USP24: variants seen among roughly 807,000 people sequenced by gnomAD.
USP24 encodes the protein ubiquitin specific peptidase 24.
A neutral mutation model predicts 361.6 loss-of-function variants in USP24; 97 were observed. The observed-to-expected ratio is 0.27, with a 90% CI of 0.23 to 0.32. The LOEUF (loss-of-function observed/expected upper bound fraction) is 0.32, where lower values mean the gene tolerates loss of function less well. Among genes scored for constraint, USP24 ranks in the 10% least tolerant of loss-of-function variants. The pLI is 1.00. For synonymous variants in USP24, 1,098 were observed against 1,124.6 expected (o/e 0.98, Z 0.47); for missense variants, 2,353 against 3,165.6 (o/e 0.74, Z 6.16).
intron 26 of USP24, among the ~76,000 whole-genome samples, 192 bp from the exon 27 acceptor site, chr1:55,138,096 C>G (rs1188072133): frequency 6.6e-6 from 1 of 152,128 alleles, no homozygotes; most frequent in Non-Finnish European, 1.5e-5. Flanking sequence ...TACACTCCAC[C>G]TCCTCCCCAT....
chr1:55,156,406 A>G (rs776418621), intron 12 of USP24, among the ~76,000 whole-genome samples: 17 of 152,168 alleles, frequency 1.1e-4, no homozygotes, highest in Non-Finnish European at 2.5e-4. Context: ...AAGTCAAAGT[A>G]GAAGAGAATA....
intron 55 of USP24, among the ~76,000 whole-genome samples, chr1:55,087,249 T>C (rs551132171): frequency 2.0e-5 from 3 of 152,318 alleles, no homozygotes; most frequent in Admixed American, 6.5e-5. Flanking sequence ...TGATGAGTGA[T>C]TGGTCTTTAT....
intron 19 of USP24, among the ~76,000 whole-genome samples, chr1:55,146,641 A>C (rs1361884818): frequency 6.6e-6 from 1 of 152,188 alleles, no homozygotes; most frequent in East Asian, 1.9e-4. Context: ...ACTTAAAATT[A>C]GTTTCATATG....
At chr1:55,198,491 C>A (rs1459262901) in intron 1 of USP24, among the ~76,000 whole-genome samples, 2 of 152,214 alleles carry the variant, frequency 1.3e-5, no homozygotes, top group Non-Finnish European at 2.9e-5. Context: ...GACAGGGTTT[C>A]TTAACCTTGT....
Position 55,098,576 on chromosome 1 carries a change from TAC to T in USP24, c.5371-20_5371-19del, listed in dbSNP as rs1645550214. The stretch of plus-strand genomic sequence containing the variant: ...CCCATTTTCTGTTGGAATGAAAAGT[TAC>T]AGTTTTAAGTGATGCCTCCTGAACT... On this transcript the variant is annotated intron_variant, in intron 45 of 67. Transcript: ENST00000294383. The T allele has an allele frequency of 6.3e-7, 1 of 1,586,022 alleles. No individual in the cohort carries two copies. Among genetic ancestry groups the T allele is most frequent in the Non-Finnish European group, 8.6e-7 (1 of 1,157,434 alleles).
chr1:55,213,605 G>C (rs1048424105), intron 1 of USP24, among the ~76,000 whole-genome samples: 3 of 152,152 alleles, frequency 2.0e-5, no homozygotes, highest in Non-Finnish European at 2.9e-5. Flanking sequence ...TTTGAGATCT[G>C]TGCTTTTCTG....
chr1:55,169,082 G>C (rs980068944), intron 5 of USP24, among the ~76,000 whole-genome samples: 1 of 151,940 alleles, frequency 6.6e-6, no homozygotes, highest in African/African-American at 2.4e-5. Flanking sequence ...ACAAATTAGG[G>C]CTTGAAAATA....
intron 28 of USP24, 111 bp downstream of exon 28, chr1:55,137,404 A>T (rs970690041): frequency 1.5e-6 from 2 of 1,296,174 alleles, no homozygotes; most frequent in African/African-American, 3.0e-5. Context: ...TAACACAACA[A>T]GCTTGAACAC....
intron 1 of USP24, among the ~76,000 whole-genome samples, chr1:55,185,497 CAAAG>C (rs1278695437): frequency 1.3e-5 from 2 of 151,730 alleles, no homozygotes; most frequent in Admixed American, 6.6e-5. Context: ...ACTAGACTGA[CAAAG>C]AGAAAAAGAA....
Position 55,157,290 on chromosome 1 carries a change from T to C in USP24, c.1308A>G (p.Leu436=), listed in dbSNP as rs2100751492. ...CAATCGACAGAACTGAGTTTTCAAC[T>C]AGCCAATCTAATAATCTGTCTGTAT... The part of the protein sequence containing the change: ...AIDTDRLLDW[L]VENSVLSIAL... Residue 436 remains leucine (L), a synonymous_variant, in exon 11 of 68, where the codon CTA becomes CTG. Transcript: ENST00000294383. The C allele has an allele frequency of 6.2e-7, 1 of 1,602,838 alleles. No homozygotes were observed.
rs1645048202 is a variant in USP24, at chr1:55,077,262, A to G, written c.7353T>C (p.Asn2451=). Reference sequence around the variant, plus strand: ...ATATTTCATGAAGTAGTTGGAACGTATTCTTTAACTCATGAGGTGGAGCCG... The same window carrying G: ...ATATTTCATGAAGTAGTTGGAACGTGTTCTTTAACTCATGAGGTGGAGCCG... The part of the protein sequence containing the change: ...LETAPPHELK[N]TFQLLHEILV... The change falls in exon 62 of 68, where the codon AAT becomes AAC. Residue 2451 remains asparagine (N), a synonymous_variant. Coordinates refer to ENST00000294383, the MANE Select transcript of USP24 (RefSeq NM_015306.3). The G allele has an allele frequency of 1.3e-6, 2 of 1,566,092 alleles. No homozygotes were observed. The highest frequency in any genetic ancestry group is 1.3e-5 in the African/African-American group (1 of 74,192).
chr1:55,079,071 T>C (rs1240061452), intron 60 of USP24, among the ~76,000 whole-genome samples: 1 of 151,542 alleles, frequency 6.6e-6, no homozygotes, highest in Admixed American at 6.6e-5. Flanking sequence ...GACTGGAAGA[T>C]GGAGTCCACA....
At chr1:55,197,005 T>C (rs796451398) in intron 1 of USP24, among the ~76,000 whole-genome samples, 2 of 152,254 alleles carry the variant, frequency 1.3e-5, no homozygotes, top group Admixed American at 6.5e-5. Context: ...CTTATTTCCT[T>C]ACATATAGCA....
intron 1 of USP24, among the ~76,000 whole-genome samples, chr1:55,183,609 A>G (rs1415260417): frequency 6.6e-6 from 1 of 152,240 alleles, no homozygotes; most frequent in Non-Finnish European, 1.5e-5. Context: ...GAACAAAAAG[A>G]TGTAAGAGAT....
chr1:55,068,775 C>T lies in USP24; in HGVS notation c.*270G>A, dbSNP rs980106232. On this transcript the variant is annotated 3_prime_UTR_variant, in exon 68 of 68. Transcript: ENST00000294383. ...AAAAGTCTGCCACTGGCTCTATTTCCGAAAATCTCCACAGAAATGTGAATC... is the reference window on the plus strand; with the variant it reads ...AAAAGTCTGCCACTGGCTCTATTTCTGAAAATCTCCACAGAAATGTGAATC... The T allele has an allele frequency of 1.2e-5, 5 of 425,276 alleles. No homozygotes were observed. The highest frequency in any genetic ancestry group is 2.1e-5 in the Non-Finnish European group (5 of 240,474). 26.3% of individuals were successfully genotyped at this position (425,276 alleles called of 1,614,324 possible).
chr1:55,154,794 T>C lies in USP24; in HGVS notation c.1447-16A>G. 6.3e-6 allele frequency: 10 copies of C among 1,597,132 alleles called. No homozygotes were observed. The highest frequency in any genetic ancestry group is 7.7e-6 in the Non-Finnish European group (9 of 1,171,030). On this transcript the variant is annotated splice_polypyrimidine_tract_variant and intron_variant, in intron 12 of 67. Transcript: ENST00000294383. ...ATTGTCCTGACTGGAAAAGGAAACA[T>C]TGGAAAAAAATTAAGTCTTGGAACT...
At chr1:55,097,280 G>C (rs1645517574) in intron 48 of USP24, 108 bp from the exon 49 acceptor site, 2 of 1,247,488 alleles carry the variant, frequency 1.6e-6, no homozygotes, top group Admixed American at 4.8e-5. Context: ...TTTAAGCTAG[G>C]AACAACTACC....
intron 42 of USP24, among the ~76,000 whole-genome samples, chr1:55,102,468 CTTGG>C (rs1645659554): frequency 6.6e-6 from 1 of 152,176 alleles, no homozygotes; most frequent in Non-Finnish European, 1.5e-5. Context: ...ATTCAAAGAT[CTTGG>C]TTCTCATGCC....
intron 1 of USP24, among the ~76,000 whole-genome samples, chr1:55,209,107 C>T (rs531052798): frequency 6.6e-6 from 1 of 150,394 alleles, no homozygotes; most frequent in South Asian, 2.1e-4. Context: ...GTAAAACTCC[C>T]TAGAAAAAAA....
Sources: gnomAD v4.1 joint callset for allele counts (sites outside exome capture counted in the v4.1 genomes callset) on GRCh38, gnomAD v4.1.1 for gene constraint, MANE v1.5 for transcripts, NCBI Gene and HGNC (gene_info 2026-07-23, HGNC 2026-07-21) for gene names.